Variants in GPR89A observed in about 807,000 individuals in gnomAD.
The protein encoded by GPR89A is golgi pH regulator A, also known as G protein-coupled receptor 89A.
Under a neutral mutation model 52.0 loss-of-function variants are expected in GPR89A, and 16 were observed. The ratio of observed to expected loss-of-function variants is 0.31; its 90% CI spans 0.21 to 0.47. The LOEUF is 0.47. Among genes scored for constraint, GPR89A ranks in the 20% least tolerant of loss-of-function variants. The pLI, the probability that GPR89A is intolerant of heterozygous loss-of-function variation, is 1.00. For missense variants in GPR89A, 135 were observed against 449.4 expected (o/e 0.30, Z 6.33); for synonymous variants, 55 against 150.9 (o/e 0.36, Z 4.66).
At chr1:145,654,132 T>C (rs1464821204) in intron 10 of GPR89A, among the ~76,000 whole-genome samples, 1 of 152,216 alleles carries the variant, frequency 6.6e-6, no homozygotes, top group African/African-American at 2.4e-5. Flanking sequence ...AGTGCTTCCT[T>C]CAGGAGTTCT....
At chr1:145,663,281 G>A (rs1553695912) in intron 10 of GPR89A, 48 bp from the exon 11 acceptor site, 2 of 1,607,230 alleles carry the variant, frequency 1.2e-6, no homozygotes, top group South Asian at 1.1e-5. Flanking sequence ...TTTTGAAATA[G>A]TAAGTGATTG....
intron 10 of GPR89A, among the ~76,000 whole-genome samples, chr1:145,656,549 C>T (rs1651822094): frequency 6.6e-6 from 1 of 152,306 alleles, no homozygotes; most frequent in Admixed American, 6.5e-5. Flanking sequence ...CATTCACTCG[C>T]TGTTTTCATT....
At chr1:145,655,102 T>C (rs1651722679) in intron 10 of GPR89A, among the ~76,000 whole-genome samples, 2 of 148,520 alleles carry the variant, frequency 1.3e-5, no homozygotes, top group African/African-American at 5.0e-5. Context: ...TTGATATTTG[T>C]GGTTGCATTG....
intron 12 of GPR89A, among the ~76,000 whole-genome samples, chr1:145,666,725 C>T (rs1320071018): frequency 7.3e-6 from 1 of 137,828 alleles, no homozygotes; most frequent in Non-Finnish European, 1.5e-5. Flanking sequence ...CACGACAAGC[C>T]TCGGTGTGTG....
chr1:145,667,574 A>T (rs1198921709), intron 12 of GPR89A, among the ~76,000 whole-genome samples: 1 of 151,878 alleles, frequency 6.6e-6, no homozygotes, highest in African/African-American at 2.4e-5. Flanking sequence ...TCTTTAGTTT[A>T]ATTAAATCCC....
intron 9 of GPR89A, chr1:145,646,880 C>G (rs1189067461): frequency 1.4e-5 from 5 of 366,310 alleles, no homozygotes; most frequent in Non-Finnish European, 2.5e-5. Flanking sequence ...AGCAAGTTAT[C>G]GAACCTCTCA....
At chr1:145,650,280 C>T in intron 10 of GPR89A, among the ~76,000 whole-genome samples, 1 of 149,810 alleles carries the variant, frequency 6.7e-6, no homozygotes, top group Middle Eastern at 3.4e-3. Flanking sequence ...ATGATGGCTT[C>T]CAGCTCCATC....
At chr1:145,645,660 A>T (rs1650934175) in intron 8 of GPR89A, 1 of 453,842 alleles carries the variant, frequency 2.2e-6, no homozygotes, top group Non-Finnish European at 4.4e-6. Context: ...CACTTTCCTT[A>T]TGTGCAAAAT....
intron 5 of GPR89A, among the ~76,000 whole-genome samples, chr1:145,629,519 T>C (rs1227222314): frequency 1.3e-5 from 2 of 152,222 alleles, no homozygotes; most frequent in South Asian, 2.1e-4. Flanking sequence ...GATTAGTCAA[T>C]AGTGTGAGAG....
At chr1:145,661,786 A>G (rs1553695631) in intron 10 of GPR89A, among the ~76,000 whole-genome samples, 1 of 150,286 alleles carries the variant, frequency 6.7e-6, no homozygotes, top group East Asian at 1.9e-4. Flanking sequence ...TTTTAATGCT[A>G]TACATTTCTT....
At chr1:145,620,206 A>G (rs1427626677) in intron 3 of GPR89A, among the ~76,000 whole-genome samples, 3 of 152,170 alleles carry the variant, frequency 2.0e-5, no homozygotes, top group Non-Finnish European at 4.4e-5. Context: ...CAGATAATAA[A>G]TATTTTAGGT....
rs1258520749 is a variant in GPR89A at position 145,616,019 on chromosome 1, C to T, written c.43-215C>T. Among the ~76,000 whole-genome samples the T allele has an allele frequency of 2.0e-5, 3 of 151,360 alleles. No homozygotes were observed. In the South Asian group the frequency reaches 6.2e-4, roughly 31 times the overall value. ...TTCCATTTTTGTCTTAAAGCATACT[C>T]TGTAACATGGATAACTTCAAAACTC... On this transcript the variant is annotated intron_variant, in intron 1 of 13. Coordinates refer to ENST00000313835, the MANE Select transcript of GPR89A (RefSeq NM_001097612.2).
At chr1:145,638,951 C>A (rs1553691262) in intron 7 of GPR89A, among the ~76,000 whole-genome samples, 2 of 148,434 alleles carry the variant, frequency 1.3e-5, no homozygotes, top group East Asian at 3.9e-4. Flanking sequence ...GTAACAAGAC[C>A]CCATCTTGAA....
At chr1:145,639,544 T>C (rs1194397645) in intron 7 of GPR89A, among the ~76,000 whole-genome samples, 1 of 150,664 alleles carries the variant, frequency 6.6e-6, no homozygotes, top group Non-Finnish European at 1.5e-5. Flanking sequence ...GTCAGGAGTT[T>C]GAGACCATCC....
In GPR89A at chr1:145,611,959, A is replaced by G. The variant is rs370103148; in HGVS notation, c.42+3784A>G. Among the ~76,000 whole-genome samples the G allele has an allele frequency of 1.8e-4, 28 of 152,148 alleles. No individual in the cohort carries two copies. The South Asian group carries it at 5.6e-3, about 31-fold the overall frequency. ...CTCTTGTTCGTTTACCTTCATGTAT[A>G]TATAAGTCCACACTTGGATCACTGC... is the stretch of plus-strand genomic sequence containing the variant. On this transcript the variant is annotated intron_variant, in intron 1 of 13. Transcript: ENST00000313835.
rs587773615 is a variant in GPR89A, at chr1:145,665,471, T to C, written c.1006-91T>C. ...AGGTAGGGTCTAATAAAGCTCCCTC[T>C]CACAGTCATGTAAATGATCGGGATA... On this transcript the variant is annotated intron_variant, in intron 11 of 13. Coordinates refer to ENST00000313835, the MANE Select transcript of GPR89A (RefSeq NM_001097612.2). 8.4e-5 allele frequency: 132 copies of C among 1,570,172 alleles called. 1 individual carries two copies. In the African/African-American group the frequency reaches 1.6e-3, roughly 19 times the overall value.
intron 1 of GPR89A, among the ~76,000 whole-genome samples, chr1:145,615,583 C>G (rs1648621345): frequency 6.9e-6 from 1 of 144,874 alleles, no homozygotes; most frequent in South Asian, 2.3e-4. Context: ...TTTTTAAATA[C>G]TTGCAATCAG....
intron 12 of GPR89A, 88 bp from the exon 13 acceptor site, chr1:145,669,537 T>C (rs1652821352): frequency 1.5e-6 from 2 of 1,310,596 alleles, no homozygotes; most frequent in Non-Finnish European, 2.2e-6. Context: ...AAGAGACACT[T>C]TTAATCAAAT....
chr1:145,648,531 G>C (rs1231248150), intron 10 of GPR89A, among the ~76,000 whole-genome samples: 4 of 149,264 alleles, frequency 2.7e-5, no homozygotes, highest in African/African-American at 9.9e-5. Flanking sequence ...CCAAGCTGTA[G>C]TACAGTGGTG....
Sources: allele counts gnomAD v4.1 joint callset (sites outside exome capture counted in the v4.1 genomes callset), GRCh38; gene constraint gnomAD v4.1.1; transcripts MANE v1.5; gene names NCBI Gene and HGNC (gene_info 2026-07-23, HGNC 2026-07-21).